The following KCND3 variants were observed in gnomAD, a reference collection of about 807,000 sequenced individuals.
The protein encoded by KCND3 is potassium voltage-gated channel subfamily D member 3.
In KCND3, 9 loss-of-function variants were observed where a neutral mutation model predicts 51.1. The observed-to-expected ratio is 0.18, with a 90% CI of 0.11 to 0.31. KCND3 has a LOEUF of 0.31. Ranked by LOEUF, KCND3 falls within the 10% of genes least tolerant of loss-of-function variation. The pLI is 1.00. For missense variants in KCND3, 526 were observed against 903.8 expected (o/e 0.58, Z 5.36); for synonymous variants, 349 against 368.0 (o/e 0.95, Z 0.59).
intron 2 of KCND3, among the ~76,000 whole-genome samples, chr1:111,927,039 T>C (rs1441435922): frequency 2.6e-5 from 4 of 152,250 alleles, no homozygotes; most frequent in Non-Finnish European, 5.9e-5. Flanking sequence ...GTGCTTTATG[T>C]CTATTTTTCC....
At chr1:111,899,280 A>G (rs1379349400) in intron 2 of KCND3, among the ~76,000 whole-genome samples, 2 of 152,238 alleles carry the variant, frequency 1.3e-5, no homozygotes, top group Admixed American at 6.5e-5. Context: ...TGAGGATTCA[A>G]TAAAACAATG....
At chr1:111,858,826 C>T (rs1557982668) in intron 2 of KCND3, among the ~76,000 whole-genome samples, 1 of 152,242 alleles carries the variant, frequency 6.6e-6, no homozygotes, top group South Asian at 2.1e-4. Flanking sequence ...GCCAGTTCTG[C>T]TCTAGACACT....
At chr1:111,935,285 C>T (rs576526000) in intron 2 of KCND3, among the ~76,000 whole-genome samples, 12 of 152,302 alleles carry the variant, frequency 7.9e-5, no homozygotes, top group South Asian at 2.1e-4. Context: ...GCCCAACCTA[C>T]GTCATGCTCC....
intron 2 of KCND3, among the ~76,000 whole-genome samples, chr1:111,927,280 C>T (rs1260261586): frequency 6.6e-6 from 1 of 152,362 alleles, no homozygotes; most frequent in South Asian, 2.1e-4. Flanking sequence ...GCAGGGCTCC[C>T]TCTTACCACA....
At chr1:111,951,157 CAAAAAAAAAAAAAAAAA>C (rs71081206) in intron 2 of KCND3, among the ~76,000 whole-genome samples, 2 of 30,610 alleles carry the variant, frequency 6.5e-5, no homozygotes, top group Non-Finnish European at 1.6e-4. Flanking sequence ...CAAACAAGAG[CAAAAAAAAAAAAAAAAA>C]AAAAAAAAAA....
intron 2 of KCND3, among the ~76,000 whole-genome samples, chr1:111,791,128 A>G (rs909960326): frequency 1.3e-5 from 2 of 152,244 alleles, no homozygotes; most frequent in African/African-American, 4.8e-5. Context: ...AATGTTTTCC[A>G]GAGTGGCGGT....
intron 2 of KCND3, among the ~76,000 whole-genome samples, chr1:111,964,066 T>C (rs182590661): frequency 6.6e-6 from 1 of 152,312 alleles, no homozygotes. Context: ...TTTCTGATTG[T>C]AACTCTATTG....
chr1:111,857,926 G>A (rs531917775), intron 2 of KCND3, among the ~76,000 whole-genome samples: 2 of 152,174 alleles, frequency 1.3e-5, no homozygotes, highest in East Asian at 3.9e-4. Context: ...AACACCTACT[G>A]TGTACCAGGC....
intron 2 of KCND3, among the ~76,000 whole-genome samples, chr1:111,824,135 A>AT (rs991700139): frequency 2.6e-5 from 4 of 151,482 alleles, no homozygotes; most frequent in African/African-American, 9.7e-5. Context: ...AAAAAAAAAA[A>AT]AGCTCAAACA....
At chr1:111,898,361 G>A (rs1805222) in intron 2 of KCND3, among the ~76,000 whole-genome samples, 35,814 of 152,038 alleles carry the variant, frequency 0.24, 4,511 homozygotes, top group East Asian at 0.38. Flanking sequence ...CTGCTCCCCC[G>A]TGGCTCAGCA....
intron 2 of KCND3, among the ~76,000 whole-genome samples, chr1:111,932,856 A>G (rs1327978479): frequency 6.6e-6 from 1 of 152,210 alleles, no homozygotes; most frequent in Non-Finnish European, 1.5e-5. Context: ...ATATGGTGGT[A>G]TGCATTGCTC....
intron 2 of KCND3, among the ~76,000 whole-genome samples, chr1:111,796,324 T>C (rs577193408): frequency 6.6e-6 from 1 of 151,882 alleles, no homozygotes; most frequent in Non-Finnish European, 1.5e-5. Flanking sequence ...CACATGCATG[T>C]GAATGTTCAT....
chr1:111,912,787 A>G (rs1177955455), intron 2 of KCND3, among the ~76,000 whole-genome samples: 1 of 152,236 alleles, frequency 6.6e-6, no homozygotes, highest in Non-Finnish European at 1.5e-5. Context: ...AAACTTATAT[A>G]GAGTACGGAT....
chr1:111,944,935 G>A (rs1313714548), intron 2 of KCND3, among the ~76,000 whole-genome samples: 1 of 152,224 alleles, frequency 6.6e-6, no homozygotes, highest in Non-Finnish European at 1.5e-5. Flanking sequence ...GCTGCCAATT[G>A]TCTGCCTGCT....
intron 2 of KCND3, among the ~76,000 whole-genome samples, chr1:111,805,788 G>T (rs777577700): frequency 6.6e-6 from 1 of 152,216 alleles, no homozygotes; most frequent in Non-Finnish European, 1.5e-5. Context: ...AATTCCCCGC[G>T]GCTGCAGAGC....
At chr1:111,814,914 C>T (rs1666018208) in intron 2 of KCND3, among the ~76,000 whole-genome samples, 1 of 152,246 alleles carries the variant, frequency 6.6e-6, no homozygotes, top group African/African-American at 2.4e-5. Flanking sequence ...TAAGGAGGCC[C>T]ACCCAGTGCC....
chr1:111,873,469 G>A (rs2101719945), intron 2 of KCND3, among the ~76,000 whole-genome samples: 1 of 152,320 alleles, frequency 6.6e-6, no homozygotes, highest in African/African-American at 2.4e-5. Context: ...TCTTACACCA[G>A]TAGCCCTACT....
At chr1:111,908,164 G>T (rs937143698) in intron 2 of KCND3, among the ~76,000 whole-genome samples, 2 of 152,184 alleles carry the variant, frequency 1.3e-5, no homozygotes, top group Non-Finnish European at 2.9e-5. Flanking sequence ...GATAGATCAA[G>T]ATTTGACTGA....
At chr1:111,983,408 G>A (rs754530318) in intron 1 of KCND3, among the ~76,000 whole-genome samples, 2 of 152,138 alleles carry the variant, frequency 1.3e-5, no homozygotes, top group South Asian at 4.2e-4. Context: ...CCATGGAGAA[G>A]GCTCTCCCTG....
Sources: gnomAD v4.1 joint callset for allele counts (sites outside exome capture counted in the v4.1 genomes callset) on GRCh38, gnomAD v4.1.1 for gene constraint, MANE v1.5 for transcripts, NCBI Gene and HGNC (gene_info 2026-07-23, HGNC 2026-07-21) for gene names.